Variants in UPB1 observed in about 807,000 individuals in gnomAD.
UPB1 encodes the protein beta-ureidopropionase 1, also known as beta-ureidopropionase.
Under a neutral mutation model 49.1 loss-of-function variants are expected in UPB1, and 40 were observed. The ratio of observed to expected loss-of-function variants is 0.81; its 90% CI spans 0.63 to 1.06. UPB1 has a LOEUF of 1.06. UPB1 is among the 50% of genes least tolerant of loss of function. The probability of loss-of-function intolerance (pLI) is 0.00; values close to 1 mark genes in which losing one functional copy is unlikely to be tolerated. For missense variants in UPB1, 499 were observed against 505.9 expected, an observed-to-expected ratio of 0.99 and a Z score of 0.13; for synonymous variants, 207 against 198.2, an observed-to-expected ratio of 1.04 and a Z score of -0.38.
In UPB1 at chr22:24,500,087, C is replaced by G; in HGVS notation, c.105-20C>G. ...AGACTGCATCAAAATCCCCTTCCCT[C>G]TTTTTTCCTGCCCATCTAGGAAGCT... On this transcript the variant is annotated intron_variant, in intron 1 of 9. Coordinates refer to ENST00000326010, the MANE Select transcript of UPB1 (RefSeq NM_016327.3). The G allele has an allele frequency of 6.2e-7, 1 of 1,613,998 alleles. No individual in the cohort carries two copies. Among genetic ancestry groups the G allele is most frequent in the South Asian group, 1.1e-5 (1 of 91,060 alleles).
chr22:24,512,698 C>A (rs1233857083), intron 4 of UPB1, among the ~76,000 whole-genome samples: 1 of 152,062 alleles, frequency 6.6e-6, no homozygotes, highest in African/African-American at 2.4e-5. Flanking sequence ...TCCCCCAGCC[C>A]CTGGCAACCA....
intron 1 of UPB1, among the ~76,000 whole-genome samples, chr22:24,497,045 C>T (rs1192118242): frequency 6.6e-6 from 1 of 152,152 alleles, no homozygotes; most frequent in Non-Finnish European, 1.5e-5. Context: ...TCCTCACCTT[C>T]TCTCCCCCCT....
chr22:24,500,218 G>A lies in UPB1; in HGVS notation c.216G>A (p.Val72=). Residue 72 remains valine, a synonymous_variant, in exon 2 of 10, where the codon GTG becomes GTA. Coordinates refer to ENST00000326010, the MANE Select transcript of UPB1 (RefSeq NM_016327.3). ...AGCAGCTGAGACGACCCCGCATTGT[G>A]CACGTGGGGCTGGTTCAGAACAGAA... ...AEEQLRRPRI[V]HVGLVQNRIP... The A allele has an allele frequency of 1.9e-6, 3 of 1,614,210 alleles. No homozygotes were observed. Among genetic ancestry groups the A allele is most frequent in the Non-Finnish European group, 1.7e-6 (2 of 1,180,024 alleles).
chr22:24,525,853 G>A lies in UPB1; in HGVS notation c.*59G>A, dbSNP rs1337685867. ...CACCTCTGCCCCAGTGGATTAGCAA[G>A]TGTGGCAGGCTTAACATGTCCAGGT... On this transcript the variant is annotated 3_prime_UTR_variant, in exon 10 of 10. Coordinates refer to ENST00000326010, the MANE Select transcript of UPB1 (RefSeq NM_016327.3). 5 of 1,600,036 alleles carry A rather than the reference G, an allele frequency of 3.1e-6. No individual in the cohort carries two copies. Among genetic ancestry groups the A allele is most frequent in the African/African-American group, 1.3e-5 (1 of 74,628 alleles).
In UPB1 at chr22:24,525,812, C is replaced by G. The variant is rs1311177378; in HGVS notation, c.*18C>G. Reference sequence around the variant, plus strand: ...AAGAGTAGCCGGCTTCAGTGCCTGCCTTGGGGTGAGGAAGACACCTCTGCC... The same window carrying G: ...AAGAGTAGCCGGCTTCAGTGCCTGCGTTGGGGTGAGGAAGACACCTCTGCC... On this transcript the variant is annotated 3_prime_UTR_variant, in exon 10 of 10. Transcript: ENST00000326010. The G allele has an allele frequency of 6.2e-7, 1 of 1,614,148 alleles. No individual in the cohort carries two copies.
chr22:24,511,604 A>G (rs2044203077), intron 4 of UPB1, among the ~76,000 whole-genome samples: 1 of 103,166 alleles, frequency 9.7e-6, no homozygotes, highest in Admixed American at 1.0e-4. Flanking sequence ...TGAATTATAT[A>G]TATATATATA....
At chr22:24,507,880 G>T (rs2044118537) in intron 3 of UPB1, among the ~76,000 whole-genome samples, 1 of 152,010 alleles carries the variant, frequency 6.6e-6, no homozygotes, top group Admixed American at 6.6e-5. Flanking sequence ...TTTTTTGCGG[G>T]CTACTTGAAT....
At chr22:24,506,515 C>T (rs1157539521) in intron 3 of UPB1, among the ~76,000 whole-genome samples, 1 of 152,188 alleles carries the variant, frequency 6.6e-6, no homozygotes. Flanking sequence ...TCCAGCTTCC[C>T]GTGTTTCCGT....
intron 1 of UPB1, among the ~76,000 whole-genome samples, chr22:24,499,748 C>T (rs2043956196): frequency 6.6e-6 from 1 of 152,194 alleles, no homozygotes; most frequent in Non-Finnish European, 1.5e-5. Context: ...GGTTCAGAAA[C>T]ACTTTTGAGA....
At chr22:24,496,277 G>C (rs1044109522) in intron 1 of UPB1, among the ~76,000 whole-genome samples, 3 of 151,898 alleles carry the variant, frequency 2.0e-5, no homozygotes, top group Non-Finnish European at 4.4e-5. Flanking sequence ...AGGCTGAGGC[G>C]GGAGGATCAC....
At chr22:24,514,120 A>C (rs1019176128) in intron 5 of UPB1, among the ~76,000 whole-genome samples, 1 of 152,150 alleles carries the variant, frequency 6.6e-6, no homozygotes, top group African/African-American at 2.4e-5. Flanking sequence ...ACCTCTGCCT[A>C]ATGCCTAAGA....
At chr22:24,510,868 C>G in intron 4 of UPB1, 25 bp downstream of exon 4, 1 of 1,610,958 alleles carries the variant, frequency 6.2e-7, no homozygotes, top group Non-Finnish European at 8.5e-7. Flanking sequence ...GTGCCTCTGG[C>G]AGCAGCTGCC....
chr22:24,509,308 G>A (rs1318217857), intron 3 of UPB1, among the ~76,000 whole-genome samples: 1 of 139,982 alleles, frequency 7.1e-6, no homozygotes, highest in African/African-American at 2.7e-5. Context: ...TGGTGTGCAT[G>A]GAGATGACCA....
intron 3 of UPB1, among the ~76,000 whole-genome samples, chr22:24,505,364 AC>A (rs1364494234): frequency 6.6e-6 from 1 of 152,160 alleles, no homozygotes; most frequent in Non-Finnish European, 1.5e-5. Flanking sequence ...GTAGGGGCTC[AC>A]CCACTGAGCT....
chr22:24,509,390 A>T (rs1235143429), intron 3 of UPB1, among the ~76,000 whole-genome samples: 2 of 119,288 alleles, frequency 1.7e-5, no homozygotes, highest in African/African-American at 2.9e-5. Context: ...AAAAAAAAAA[A>T]AAAAAAGCAA....
intron 4 of UPB1, 133 bp downstream of exon 4, chr22:24,510,976 TAGATA>T: frequency 1.1e-6 from 1 of 901,990 alleles, no homozygotes; most frequent in South Asian, 1.4e-5. Context: ...CAGATAAGAT[TAGATA>T]AGACTATCTG....
At chr22:24,515,400 T>G in intron 6 of UPB1, 30 bp downstream of exon 6, 1 of 1,613,882 alleles carries the variant, frequency 6.2e-7, no homozygotes, top group Non-Finnish European at 8.5e-7. Flanking sequence ...CTGGGGGGCT[T>G]CCTGGGGCCC....
intron 1 of UPB1, among the ~76,000 whole-genome samples, chr22:24,497,294 GTGGGGTAGAAAGGGGAA>G: frequency 6.6e-6 from 1 of 152,328 alleles, no homozygotes; most frequent in Non-Finnish European, 1.5e-5. Context: ...GGGACTAGGG[GTGGGGTAGAAAGGGGAA>G]TGTATGTTTC....
At position 24,525,877 on chromosome 22, in the gene UPB1, G is replaced by C. The variant is rs1268105902; in HGVS notation, c.*83G>C. The C allele has an allele frequency of 6.5e-7, 1 of 1,544,608 alleles. No individual in the cohort carries two copies. Among genetic ancestry groups the C allele is most frequent in the Non-Finnish European group, 8.9e-7 (1 of 1,118,268 alleles). On this transcript the variant is annotated 3_prime_UTR_variant, in exon 10 of 10. Coordinates refer to ENST00000326010, the MANE Select transcript of UPB1 (RefSeq NM_016327.3). ...AGTGTGGCAGGCTTAACATGTCCAG[G>C]TTCTCCCCAATAACATTGTCCAGGT...
Sources: allele counts gnomAD v4.1 joint callset (sites outside exome capture counted in the v4.1 genomes callset), GRCh38; gene constraint gnomAD v4.1.1; transcripts MANE v1.5; gene names NCBI Gene and HGNC (gene_info 2026-07-23, HGNC 2026-07-21).